Variants in DUSP13B observed in about 807,000 individuals in gnomAD.
DUSP13B encodes dual specificity phosphatase 13B.
At chr10:75,094,749 C>T in the DUSP13B span, 1 of 1,614,182 alleles carries the variant, frequency 6.2e-7, no homozygotes. Context: ...TGAGTTAGGG[C>T]AGATATTGCG....
At chr10:75,108,652 C>T in the DUSP13B span, among the ~76,000 whole-genome samples, 2 of 152,072 alleles carry the variant, frequency 1.3e-5, no homozygotes, top group African/African-American at 2.4e-5. Flanking sequence ...CCGTCTGTAT[C>T]CAGAGGAGGG....
the DUSP13B span, among the ~76,000 whole-genome samples, chr10:75,107,644 T>G: frequency 7.9e-5 from 12 of 152,078 alleles, no homozygotes; most frequent in Non-Finnish European, 1.5e-5. Flanking sequence ...TGGCATGATC[T>G]CGGCTCACTG....
the DUSP13B span, chr10:75,097,802 A>C: frequency 6.2e-7 from 1 of 1,613,944 alleles, no homozygotes; most frequent in East Asian, 2.2e-5. Flanking sequence ...CAGCGAAGCC[A>C]ATGTGGGCGG....
chr10:75,104,401 T>TTGG, the DUSP13B span, among the ~76,000 whole-genome samples: 1 of 152,162 alleles, frequency 6.6e-6, no homozygotes, highest in Non-Finnish European at 1.5e-5. Flanking sequence ...GTTGCACAGT[T>TTGG]TGGTGGATGA....
the DUSP13B span, chr10:75,108,096 A>G: frequency 1.2e-6 from 2 of 1,613,726 alleles, no homozygotes; most frequent in African/African-American, 1.3e-5. Context: ...CAGGTAGCTC[A>G]CACTGCTGCC....
chr10:75,106,400 G>A, the DUSP13B span, among the ~76,000 whole-genome samples: 1 of 151,924 alleles, frequency 6.6e-6, no homozygotes, highest in African/African-American at 2.4e-5. Context: ...CCAAATACCT[G>A]CAAATTGTTT....
chr10:75,095,271 C>A, the DUSP13B span, among the ~76,000 whole-genome samples: 14 of 152,328 alleles, frequency 9.2e-5, no homozygotes, highest in Admixed American at 2.6e-4. Context: ...AAGGCCTCAT[C>A]TTAGAGGAAC....
the DUSP13B span, among the ~76,000 whole-genome samples, chr10:75,104,824 G>T: frequency 6.6e-6 from 1 of 152,048 alleles, no homozygotes; most frequent in Non-Finnish European, 1.5e-5. Flanking sequence ...AGGGGTCGAT[G>T]CTGCTGAAGG....
chr10:75,102,026 C>T, the DUSP13B span: 2 of 1,229,970 alleles, frequency 1.6e-6, no homozygotes, highest in South Asian at 1.2e-5. Context: ...GCCTCCCCTG[C>T]CACTCCCAAC....
chr10:75,109,139 G>A, the DUSP13B span: 4 of 1,600,646 alleles, frequency 2.5e-6, no homozygotes, highest in East Asian at 4.6e-5. Context: ...CCCAGCTCTG[G>A]GAGAGAGGTC....
At chr10:75,105,141 T>C in the DUSP13B span, among the ~76,000 whole-genome samples, 2 of 152,082 alleles carry the variant, frequency 1.3e-5, no homozygotes, top group East Asian at 3.9e-4. Flanking sequence ...CTTAGCTCAC[T>C]GATGAGAATT....
chr10:75,096,632 C>T, the DUSP13B span, among the ~76,000 whole-genome samples: 1 of 151,694 alleles, frequency 6.6e-6, no homozygotes, highest in Non-Finnish European at 1.5e-5. Flanking sequence ...ACCTGTATTC[C>T]CAGCTACTTG....
the DUSP13B span, among the ~76,000 whole-genome samples, chr10:75,102,366 C>G: frequency 8.5e-5 from 13 of 152,192 alleles, no homozygotes; most frequent in South Asian, 2.7e-3. Flanking sequence ...TGGCGTGAAC[C>G]CGGGAGGCAG....
the DUSP13B span, chr10:75,094,880 T>C: frequency 4.3e-6 from 7 of 1,613,618 alleles, no homozygotes; most frequent in Non-Finnish European, 5.9e-6. Context: ...GCACGCGGCC[T>C]GTAGGGAGAA....
chr10:75,098,957 C>T, the DUSP13B span: 8 of 1,230,428 alleles, frequency 6.5e-6, no homozygotes, highest in Non-Finnish European at 8.1e-6. Flanking sequence ...GTCACTAACC[C>T]ATCTGCTTCC....
the DUSP13B span, chr10:75,097,827 C>T: frequency 3.7e-6 from 6 of 1,613,536 alleles, no homozygotes; most frequent in Non-Finnish European, 5.1e-6. Context: ...TAGGGAGATG[C>T]CTGGACTGCC....
chr10:75,108,413 C>T, the DUSP13B span: 23 of 917,744 alleles, frequency 2.5e-5, no homozygotes, highest in African/African-American at 1.2e-4. Flanking sequence ...GTGTGTGTGT[C>T]GGGGGATCTT....
chr10:75,102,947 C>T, the DUSP13B span, among the ~76,000 whole-genome samples: 11 of 152,008 alleles, frequency 7.2e-5, no homozygotes, highest in South Asian at 2.1e-4. Context: ...AACGAAACTC[C>T]GTCTCCAAAA....
chr10:75,103,646 G>A, the DUSP13B span, among the ~76,000 whole-genome samples: 1 of 152,204 alleles, frequency 6.6e-6, no homozygotes, highest in Non-Finnish European at 1.5e-5. Context: ...GGTGGGAACA[G>A]GGCACACCCA....
Sources: allele counts gnomAD v4.1 joint callset (sites outside exome capture counted in the v4.1 genomes callset), GRCh38; gene constraint gnomAD v4.1.1; transcripts MANE v1.5; gene names NCBI Gene and HGNC (gene_info 2026-07-23, HGNC 2026-07-21).